Variants in IFNAR2 observed in about 807,000 individuals in gnomAD.
IFNAR2 encodes interferon alpha/beta receptor 2.
Under a neutral mutation model 49.4 loss-of-function variants are expected in IFNAR2, and 30 were observed. The ratio of observed to expected loss-of-function variants is 0.61; its 90% CI spans 0.45 to 0.82. The LOEUF (loss-of-function observed/expected upper bound fraction) is 0.82, where lower values mean the gene tolerates loss of function less well. Ranked by LOEUF, IFNAR2 falls within the 40% of genes least tolerant of loss-of-function variation. IFNAR2 has a pLI of 0.00. For missense variants in IFNAR2, 600 were observed against 622.7 expected (o/e 0.96, Z 0.39); for synonymous variants, 224 against 234.5 (o/e 0.96, Z 0.41).
intron 1 of IFNAR2, chr21:33,237,043 A>C (rs776073045): frequency 8.3e-6 from 2 of 240,074 alleles, no homozygotes; most frequent in Non-Finnish European, 1.3e-5. Flanking sequence ...AAAGCAAGGA[A>C]GGAAGCCATC....
chr21:33,252,865 T>G (rs1282362470), intron 7 of IFNAR2, 35 bp downstream of exon 7: 1 of 1,510,244 alleles, frequency 6.6e-7, no homozygotes, highest in Non-Finnish European at 9.2e-7. Flanking sequence ...GTTTTGAGTA[T>G]TCATGCTTTT....
chr21:33,253,693 T>G (rs4817554), intron 7 of IFNAR2, among the ~76,000 whole-genome samples: 73,845 of 152,034 alleles, frequency 0.49, 17,997 homozygotes, highest in Middle Eastern at 0.51. Context: ...TTGCCCATTT[T>G]TATGATTATT....
At position 33,258,961 on chromosome 21, in the gene IFNAR2, G is replaced by A. The variant is rs774508570; in HGVS notation, c.710-1636G>A. ...TACTGCAGTCACCCAGGGGAGAGGCGGTCTTACTTGTTCCAGAGAGGTAAG... is the reference window on the plus strand; with the variant it reads ...TACTGCAGTCACCCAGGGGAGAGGCAGTCTTACTTGTTCCAGAGAGGTAAG... On this transcript the variant is annotated intron_variant, in intron 7 of 8. Coordinates refer to ENST00000342136, the MANE Select transcript of IFNAR2 (RefSeq NM_001289125.3). Among the ~76,000 whole-genome samples, 6 of 152,206 alleles carry A rather than the reference G, an allele frequency of 3.9e-5. No homozygotes were observed. The South Asian group carries it at 6.2e-4, about 16-fold the overall frequency.
intron 5 of IFNAR2, among the ~76,000 whole-genome samples, chr21:33,247,625 G>A (rs190369934): frequency 6.6e-6 from 1 of 152,216 alleles, no homozygotes; most frequent in East Asian, 1.9e-4. Flanking sequence ...CACCAAGTGT[G>A]CATGCACCTA....
At chr21:33,244,246 C>A (rs1037737782) in intron 3 of IFNAR2, among the ~76,000 whole-genome samples, 1 of 152,194 alleles carries the variant, frequency 6.6e-6, no homozygotes, top group Non-Finnish European at 1.5e-5. Context: ...CTTCAGTGAT[C>A]TTTAAAAATT....
At position 33,264,276 on chromosome 21, in the gene IFNAR2, G is replaced by A. The variant is rs1175346880; in HGVS notation, c.*776G>A. On this transcript the variant is annotated 3_prime_UTR_variant, in exon 9 of 9. Coordinates refer to ENST00000342136, the MANE Select transcript of IFNAR2 (RefSeq NM_001289125.3). ...AGGGAGGAGGAGAGCCAGGTGAGCA[G>A]TGGAGAGAAGGGGGGCCCTGCACAA... 6.6e-6 allele frequency: 1 copy of A among 152,400 alleles called. No individual in the cohort carries two copies. Among genetic ancestry groups the A allele is most frequent in the Non-Finnish European group, 1.5e-5 (1 of 68,194 alleles). 9.4% of individuals were successfully genotyped at this position (152,400 alleles called of 1,614,324 possible). A position where few individuals can be genotyped will look rare whatever the true frequency, so the allele number is the denominator to read the frequency against.
chr21:33,246,679 T>C, intron 4 of IFNAR2, 39 bp from the exon 5 acceptor site: 1 of 1,561,192 alleles, frequency 6.4e-7, no homozygotes, highest in Admixed American at 1.8e-5. Context: ...ATTACATCAA[T>C]GCTAACAATT....
intron 5 of IFNAR2, among the ~76,000 whole-genome samples, chr21:33,247,960 TAC>T (rs1434214076): frequency 1.3e-5 from 2 of 152,328 alleles, no homozygotes; most frequent in East Asian, 3.9e-4. Flanking sequence ...CATCTGTGTG[TAC>T]ACACAGAAAA....
Position 33,264,886 on chromosome 21 carries a change from G to A in IFNAR2, c.*1386G>A, listed in dbSNP as rs1299160996. ...TGTGCCTGTTGTCCCAGCTACTTGGGAGGCTGAGGTGGGAGAATGGCTTGA... is the reference window on the plus strand; with the variant it reads ...TGTGCCTGTTGTCCCAGCTACTTGGAAGGCTGAGGTGGGAGAATGGCTTGA... On this transcript the variant is annotated 3_prime_UTR_variant, in exon 9 of 9. Transcript: ENST00000342136. 1.3e-5 allele frequency: 2 copies of A among 152,360 alleles called. No individual in the cohort carries two copies. Among genetic ancestry groups the A allele is most frequent in the Non-Finnish European group, 2.9e-5 (2 of 68,172 alleles). 9.4% of individuals were successfully genotyped at this position (152,360 alleles called of 1,614,324 possible).
rs181974251 is a variant in IFNAR2 at position 33,252,963 on chromosome 21, A to G, written c.709+133A>G. On this transcript the variant is annotated intron_variant, in intron 7 of 8. Coordinates refer to ENST00000342136, the MANE Select transcript of IFNAR2 (RefSeq NM_001289125.3). Reference sequence around the variant, plus strand: ...CTTTCTTCCAGTAAACACCTCACAGAGATGTTTTCTGTTGGTTCGTGTGTA... The same window carrying G: ...CTTTCTTCCAGTAAACACCTCACAGGGATGTTTTCTGTTGGTTCGTGTGTA... The G allele has an allele frequency of 3.9e-4, 302 of 774,280 alleles. 1 individual carries two copies. In the East Asian group the frequency reaches 4.3e-3, roughly 11 times the overall value. 48.0% of individuals were successfully genotyped at this position (774,280 alleles called of 1,614,324 possible).
chr21:33,237,078 G>GATGTGT (rs3223272), intron 1 of IFNAR2, among the ~76,000 whole-genome samples: 15 of 147,698 alleles, frequency 1.0e-4, no homozygotes, highest in African/African-American at 2.7e-4. Context: ...GGGAGAATGG[G>GATGTGT]GTGTGTGTGT....
intron 1 of IFNAR2, among the ~76,000 whole-genome samples, chr21:33,235,795 G>A (rs558610437): frequency 2.0e-5 from 3 of 152,152 alleles, no homozygotes; most frequent in South Asian, 4.2e-4. Context: ...GTGTGGTGGC[G>A]GGCGCCTGTA....
At chr21:33,242,715 C>CTCT (rs140835879) in intron 2 of IFNAR2, among the ~76,000 whole-genome samples, 36,662 of 83,364 alleles carry the variant, frequency 0.44, 9,243 homozygotes, top group Middle Eastern at 0.52. Context: ...CCTGACAGAG[C>CTCT]AAGACTCTGT....
intron 7 of IFNAR2, among the ~76,000 whole-genome samples, chr21:33,254,442 G>A (rs1354339824): frequency 6.6e-6 from 1 of 152,196 alleles, no homozygotes; most frequent in Admixed American, 6.5e-5. Context: ...CTGCAAAGCT[G>A]TCTCTTGCAG....
At chr21:33,235,242 C>G (rs1986359701) in intron 1 of IFNAR2, among the ~76,000 whole-genome samples, 1 of 152,176 alleles carries the variant, frequency 6.6e-6, no homozygotes, top group South Asian at 2.1e-4. Context: ...TGTTTTATCA[C>G]ATAACTAAGA....
At chr21:33,234,803 G>A in intron 1 of IFNAR2, 1 of 955,506 alleles carries the variant, frequency 1.0e-6, no homozygotes, top group South Asian at 4.8e-5. Flanking sequence ...GCTTCGCACA[G>A]GATGGAATTA....
At chr21:33,250,848 GC>G (rs1428589149) in intron 6 of IFNAR2, among the ~76,000 whole-genome samples, 1 of 152,060 alleles carries the variant, frequency 6.6e-6, no homozygotes, top group Non-Finnish European at 1.5e-5. Context: ...TCATAATTCT[GC>G]ATATATTTTG....
chr21:33,262,620 A>T (rs1988697815), intron 8 of IFNAR2, 173 bp from the exon 9 acceptor site: 1 of 885,664 alleles, frequency 1.1e-6, no homozygotes. Context: ...GTCATAATGC[A>T]CTACAGTCTG....
At chr21:33,231,532 A>C (rs1016075010) in intron 1 of IFNAR2, among the ~76,000 whole-genome samples, 11 of 152,218 alleles carry the variant, frequency 7.2e-5, no homozygotes, top group African/African-American at 2.4e-5. Flanking sequence ...CATTTCAAAA[A>C]GTAGTATGAA....
Sources: allele counts gnomAD v4.1 joint callset (sites outside exome capture counted in the v4.1 genomes callset), GRCh38; gene constraint gnomAD v4.1.1; transcripts MANE v1.5; gene names NCBI Gene and HGNC (gene_info 2026-07-23, HGNC 2026-07-21).